Variants in DST observed in about 807,000 individuals in gnomAD.
DST encodes the protein dystonin, also known as bullous pemphigoid antigen.
A neutral mutation model predicts 875.2 loss-of-function variants in DST; 253 were observed. The ratio of observed to expected loss-of-function variants is 0.29; its 90% confidence interval spans 0.26 to 0.32. DST has a LOEUF of 0.32. Ranked by LOEUF, DST falls within the 10% of genes least tolerant of loss-of-function variation. The pLI, the probability that DST is intolerant of heterozygous loss-of-function variation, is 1.00. For missense variants in DST, 8,287 were observed against 9,111.6 expected (o/e 0.91, Z 3.68); for synonymous variants, 3,124 against 3,197.1 (o/e 0.98, Z 0.77).
At chr6:56,785,268 C>T (rs2099702814) in intron 4 of DST, among the ~76,000 whole-genome samples, 1 of 152,244 alleles carries the variant, frequency 6.6e-6, no homozygotes, top group Non-Finnish European at 1.5e-5. Context: ...ACATTTAAGT[C>T]TGCAGAGGTT....
intron 62 of DST, 39 bp downstream of exon 62, chr6:56,536,740 T>C: frequency 6.8e-7 from 1 of 1,478,556 alleles, no homozygotes; most frequent in Non-Finnish European, 9.0e-7. Flanking sequence ...TCATGAATAA[T>C]AATCAGCAAA....
intron 60 of DST, 27 bp from the exon 61 acceptor site, chr6:56,553,682 T>C (rs954480762): frequency 6.3e-7 from 1 of 1,581,758 alleles, no homozygotes. Context: ...AAGATATGTT[T>C]ATTTTACATC....
intron 51 of DST, among the ~76,000 whole-genome samples, chr6:56,573,418 A>G (rs2097807615): frequency 6.6e-6 from 1 of 152,210 alleles, no homozygotes; most frequent in African/African-American, 2.4e-5. Flanking sequence ...ACAATGATAA[A>G]CAAGATAAGA....
intron 69 of DST, among the ~76,000 whole-genome samples, chr6:56,523,120 T>C (rs1332668613): frequency 6.6e-6 from 1 of 152,100 alleles, no homozygotes; most frequent in African/African-American, 2.4e-5. Context: ...AAGTAATGAA[T>C]GGGCCCAACT....
chr6:56,524,379 G>A (rs1562547102), intron 69 of DST, among the ~76,000 whole-genome samples: 1 of 151,888 alleles, frequency 6.6e-6, no homozygotes, highest in African/African-American at 2.4e-5. Flanking sequence ...CCACTTTGTT[G>A]TAATAATGGA....
intron 55 of DST, among the ~76,000 whole-genome samples, chr6:56,565,125 C>CT (rs540989404): frequency 0.041 from 5,040 of 122,688 alleles, 317 homozygotes; most frequent in African/African-American, 0.13. Flanking sequence ...TTTTTTTTTT[C>CT]TTTTTTTTTT....
intron 55 of DST, among the ~76,000 whole-genome samples, chr6:56,567,094 T>A (rs1232525910): frequency 6.6e-6 from 1 of 152,142 alleles, no homozygotes; most frequent in African/African-American, 2.4e-5. Context: ...GAACCAAAGG[T>A]CCATTGCTTA....
At chr6:56,921,460 A>C (rs1421711490) in intron 2 of DST, among the ~76,000 whole-genome samples, 1 of 152,236 alleles carries the variant, frequency 6.6e-6, no homozygotes, top group African/African-American at 2.4e-5. Context: ...AAAAACAAAT[A>C]TCGTGATTAG....
At position 56,479,986 on chromosome 6, in the gene DST, C is replaced by T. The variant is rs188463208; in HGVS notation, c.21531+2064G>A. On this transcript the variant is annotated intron_variant, in intron 90 of 103. Transcript: ENST00000680361. ...TTAAGTGGCCTTTTGTCTTTAACCTCTGTGAAGCAGCTCTGTGACATACCT... is the reference window on the plus strand; with the variant it reads ...TTAAGTGGCCTTTTGTCTTTAACCTTTGTGAAGCAGCTCTGTGACATACCT... 7.9e-5 allele frequency among the ~76,000 whole-genome samples: 12 copies of T among 152,260 alleles called. 1 individual carries two copies. In the East Asian group the frequency reaches 1.7e-3, roughly 22 times the overall value.
At position 56,459,199 on chromosome 6, in the gene DST, G is replaced by A. The variant is rs868335418; in HGVS notation, c.23263C>T (p.Arg7755Cys). The change falls in exon 104 of 104, where the codon CGC becomes TGC. Residue 7755 changes from arginine (R) to cysteine (C), a missense_variant. Arg to Cys is a radical substitution (Grantham distance 180). Coordinates refer to ENST00000680361, the MANE Select transcript of DST (RefSeq NM_001374736.1). ...GSKAGSRASS[R>C]RGSDASDFDI... is the part of the protein sequence containing the mutation. ...AAGTCTGATGCATCACTGCCTCGGC[G>A]GCTGCTGGCCCTGCTGCCAGCTTTG... The A allele has an allele frequency of 2.0e-5, 32 of 1,613,644 alleles. No individual in the cohort carries two copies. The highest frequency in any genetic ancestry group is 1.6e-4 in the Middle Eastern group (1 of 6,084).
chr6:56,842,595 C>T (rs2099801566), intron 4 of DST, among the ~76,000 whole-genome samples: 2 of 152,106 alleles, frequency 1.3e-5, no homozygotes, highest in African/African-American at 2.4e-5. Flanking sequence ...TATATAGTCA[C>T]AAACTTTATC....
chr6:56,493,779 A>C (rs983882848), intron 83 of DST, among the ~76,000 whole-genome samples: 15 of 152,130 alleles, frequency 9.9e-5, no homozygotes, highest in Non-Finnish European at 2.1e-4. Flanking sequence ...GTAACATTTG[A>C]TCTATATATT....
intron 4 of DST, among the ~76,000 whole-genome samples, chr6:56,817,508 T>G (rs1362221277): frequency 6.6e-6 from 1 of 152,212 alleles, no homozygotes; most frequent in Non-Finnish European, 1.5e-5. Context: ...TTGTTTTGTT[T>G]CAATAGCCTT....
intron 3 of DST, among the ~76,000 whole-genome samples, chr6:56,858,615 T>C (rs544116262): frequency 9.2e-5 from 14 of 152,322 alleles, no homozygotes; most frequent in African/African-American, 3.4e-4. Flanking sequence ...TGATTTCATA[T>C]CTTGACTATC....
In DST at chr6:56,470,191, T is replaced by C; in HGVS notation, c.22413A>G (p.Ala7471=). The change falls in exon 96 of 104, where the codon GCA becomes GCG. Residue 7471 remains alanine (A), a synonymous_variant. Coordinates refer to ENST00000680361, the MANE Select transcript of DST (RefSeq NM_001374736.1). ...ATGCATCTTTATTTGGGTGAAGGGC[T>C]GCTACAAATTCATAGTAGTCAATAT... ...DGYIDYYEFV[A]ALHPNKDAYK... 5 of 1,612,508 alleles carry C rather than the reference T, an allele frequency of 3.1e-6. No homozygotes were observed. The highest frequency in any genetic ancestry group is 4.2e-6 in the Non-Finnish European group (5 of 1,179,180).
chr6:56,817,877 G>A (rs984800240), intron 4 of DST, among the ~76,000 whole-genome samples: 2 of 152,140 alleles, frequency 1.3e-5, no homozygotes, highest in East Asian at 1.9e-4. Context: ...TTGCAAATAC[G>A]ATTAAGTTAA....
intron 5 of DST, among the ~76,000 whole-genome samples, chr6:56,715,605 C>T (rs2099391972): frequency 6.6e-6 from 1 of 152,126 alleles, no homozygotes; most frequent in Admixed American, 6.5e-5. Flanking sequence ...CTTAAGACCT[C>T]TCTCTAGCAG....
At chr6:56,939,215 C>G (rs1814980829) in intron 2 of DST, among the ~76,000 whole-genome samples, 1 of 152,192 alleles carries the variant, frequency 6.6e-6, no homozygotes, top group African/African-American at 2.4e-5. Flanking sequence ...GTGAGAATAA[C>G]AAAGTTTCTC....
In DST at chr6:56,642,507, A is replaced by C. The variant is rs1447186593; in HGVS notation, c.1779-4T>G. 1 of 1,612,022 alleles carries C rather than the reference A, an allele frequency of 6.2e-7. No individual in the cohort carries two copies. The highest frequency in any genetic ancestry group is 8.5e-7 in the Non-Finnish European group (1 of 1,178,112). ...AATCTGTTGCAACATTTCTAACCTAAAAGATGAGACAAAATAAAATAAAGC... is the reference window on the plus strand; with the variant it reads ...AATCTGTTGCAACATTTCTAACCTACAAGATGAGACAAAATAAAATAAAGC... On this transcript the variant is annotated splice_polypyrimidine_tract_variant and splice_region_variant and intron_variant, in intron 15 of 103. Transcript: ENST00000680361.
Sources: allele counts gnomAD v4.1 joint callset (sites outside exome capture counted in the v4.1 genomes callset), GRCh38; gene constraint gnomAD v4.1.1; transcripts MANE v1.5; gene names NCBI Gene and HGNC (gene_info 2026-07-23, HGNC 2026-07-21).